Variants in BMPER observed in about 807,000 individuals in gnomAD.
The protein encoded by BMPER is BMP-binding endothelial regulator protein.
In BMPER, 45 loss-of-function variants were observed where a neutral mutation model predicts 87.3. That is an observed-to-expected ratio of 0.52 (90% CI 0.41 to 0.66). The LOEUF (loss-of-function observed/expected upper bound fraction) is 0.66, where lower values mean the gene tolerates loss of function less well. BMPER is among the 30% of genes least tolerant of loss of function. The pLI is 0.00. For synonymous variants in BMPER, 326 were observed against 316.2 expected, an observed-to-expected ratio of 1.03 and a Z score of -0.33; for missense variants, 784 against 867.5, an observed-to-expected ratio of 0.90 and a Z score of 1.21.
chr7:34,019,587 C>T (rs1424891666), intron 6 of BMPER, among the ~76,000 whole-genome samples: 1 of 152,030 alleles, frequency 6.6e-6, no homozygotes, highest in Non-Finnish European at 1.5e-5. Flanking sequence ...GGTACAAAAG[C>T]ATCTCTCTCA....
intron 2 of BMPER, among the ~76,000 whole-genome samples, chr7:33,931,749 A>G (rs1419785965): frequency 6.6e-6 from 1 of 152,206 alleles, no homozygotes; most frequent in Non-Finnish European, 1.5e-5. Flanking sequence ...CAAGACATCC[A>G]TATTCCTAAC....
chr7:34,039,856 G>A (rs1486521842), intron 6 of BMPER, among the ~76,000 whole-genome samples: 1 of 152,058 alleles, frequency 6.6e-6, no homozygotes, highest in Non-Finnish European at 1.5e-5. Context: ...CCCACACTTG[G>A]CAGCTCATCA....
intron 6 of BMPER, among the ~76,000 whole-genome samples, chr7:34,002,974 C>T (rs1385603934): frequency 6.6e-6 from 1 of 151,614 alleles, no homozygotes; most frequent in African/African-American, 2.4e-5. Context: ...CTGCCAGTCT[C>T]TGCTTTTTGA....
chr7:33,946,691 C>G (rs1784901868), intron 3 of BMPER, among the ~76,000 whole-genome samples: 1 of 152,186 alleles, frequency 6.6e-6, no homozygotes, highest in African/African-American at 2.4e-5. Context: ...ATAACAGAAT[C>G]CTATCATGAC....
rs1467745043 is a variant in BMPER, at chr7:34,085,818, G to A, written c.1471G>A (p.Gly491Ser). Residue 491 changes from glycine (G) to serine (S), a missense_variant, in exon 13 of 15, where the codon GGC becomes AGC. Coordinates refer to ENST00000649409, the MANE Select transcript of BMPER (RefSeq NM_001365308.1). The part of the protein sequence containing the change: ...VEVMAAPHLK[G>S]KLCGLCGNYN... The stretch of plus-strand genomic sequence containing the variant: ...AGTCATGGCTGCGCCGCATCTCAAG[G>A]GCAAGCTCTGTGGTCTTTGTGGCAA... The A allele has an allele frequency of 1.2e-6, 2 of 1,614,174 alleles. No homozygotes were observed. Among genetic ancestry groups the A allele is most frequent in the Non-Finnish European group, 8.5e-7 (1 of 1,180,024 alleles).
At chr7:33,944,640 G>A (rs1245401543) in intron 3 of BMPER, among the ~76,000 whole-genome samples, 1 of 151,860 alleles carries the variant, frequency 6.6e-6, no homozygotes, top group Non-Finnish European at 1.5e-5. Flanking sequence ...TTTTTTTCTT[G>A]GTTAGTCTCT....
intron 6 of BMPER, among the ~76,000 whole-genome samples, chr7:33,991,272 T>C (rs1392776471): frequency 2.0e-5 from 3 of 151,622 alleles, no homozygotes; most frequent in Non-Finnish European, 4.4e-5. Context: ...GGTAAGCTAT[T>C]GGTTATTGCC....
chr7:34,146,051 A>G (rs1173224966), intron 14 of BMPER, among the ~76,000 whole-genome samples: 2 of 152,108 alleles, frequency 1.3e-5, no homozygotes, highest in African/African-American at 2.4e-5. Flanking sequence ...ACACACACAC[A>G]CATACACACA....
chr7:33,905,449 T>TCCCACCCCCCCCCCCC, upstream of BMPER: 1 of 26,580 alleles, frequency 3.8e-5, no homozygotes, highest in Non-Finnish European at 7.1e-5. Context: ...CCCCCCGCCC[T>TCCCACCCCCCCCCCCC]CCCTCACACC....
At chr7:33,972,870 A>G (rs1250179015) in intron 5 of BMPER, among the ~76,000 whole-genome samples, 1 of 152,230 alleles carries the variant, frequency 6.6e-6, no homozygotes, top group Non-Finnish European at 1.5e-5. Context: ...TGGAGGATCC[A>G]GAAGGAACTG....
At chr7:34,054,335 A>C (rs1414831718) in intron 8 of BMPER, among the ~76,000 whole-genome samples, 1 of 152,280 alleles carries the variant, frequency 6.6e-6, no homozygotes, top group Non-Finnish European at 1.5e-5. Flanking sequence ...ACGGTGAAAT[A>C]TGCATTGTTT....
At chr7:34,006,974 T>G (rs947896679) in intron 6 of BMPER, among the ~76,000 whole-genome samples, 2 of 152,120 alleles carry the variant, frequency 1.3e-5, no homozygotes, top group Non-Finnish European at 2.9e-5. Context: ...AGCCCCTCTC[T>G]GCCAATGCAC....
At chr7:33,960,215 C>A (rs1165631365) in intron 3 of BMPER, among the ~76,000 whole-genome samples, 1 of 152,026 alleles carries the variant, frequency 6.6e-6, no homozygotes, top group African/African-American at 2.4e-5. Context: ...TTCCCATTAG[C>A]CAAAAATAAG....
At chr7:33,913,874 C>A (rs549237257) in intron 2 of BMPER, among the ~76,000 whole-genome samples, 1 of 152,268 alleles carries the variant, frequency 6.6e-6, no homozygotes, top group African/African-American at 2.4e-5. Context: ...TGACACCCTG[C>A]CTTACACTGC....
chr7:33,916,093 A>G (rs182442959), intron 2 of BMPER, among the ~76,000 whole-genome samples: 3 of 152,308 alleles, frequency 2.0e-5, no homozygotes, highest in Admixed American at 1.3e-4. Flanking sequence ...AATGGACTGT[A>G]TTTATGGCAA....
At chr7:34,068,433 C>T (rs1207890945) in intron 11 of BMPER, among the ~76,000 whole-genome samples, 2 of 152,190 alleles carry the variant, frequency 1.3e-5, no homozygotes, top group East Asian at 3.8e-4. Context: ...AGAGGAATTT[C>T]CAATTAACAG....
intron 6 of BMPER, among the ~76,000 whole-genome samples, chr7:33,985,578 A>G (rs1785981922): frequency 6.6e-6 from 1 of 152,176 alleles, no homozygotes; most frequent in East Asian, 1.9e-4. Context: ...AAGTACTTCA[A>G]ATCAATGTCT....
chr7:34,046,842 A>C (rs1787982845), intron 7 of BMPER, among the ~76,000 whole-genome samples: 1 of 152,172 alleles, frequency 6.6e-6, no homozygotes, highest in South Asian at 2.1e-4. Flanking sequence ...GGAAGGAAAT[A>C]GTGAATAATA....
chr7:33,994,492 G>A (rs1352363643), intron 6 of BMPER, among the ~76,000 whole-genome samples: 7 of 152,174 alleles, frequency 4.6e-5, no homozygotes, highest in East Asian at 3.9e-4. Flanking sequence ...CGCATGGTGC[G>A]CACACCCACT....
Sources: gnomAD v4.1 joint callset for allele counts (sites outside exome capture counted in the v4.1 genomes callset) on GRCh38, gnomAD v4.1.1 for gene constraint, MANE v1.5 for transcripts, NCBI Gene and HGNC (gene_info 2026-07-23, HGNC 2026-07-21) for gene names.